The following STK10 variants were observed in gnomAD, a reference collection of about 807,000 sequenced individuals.
STK10 encodes serine/threonine kinase 10, also known as serine/threonine-protein kinase 10.
STK10 carries 78 observed loss-of-function variants against 113.8 expected under a neutral mutation model. The observed-to-expected ratio is 0.69, with a 90% CI of 0.57 to 0.83. The LOEUF (loss-of-function observed/expected upper bound fraction) is 0.83, where lower values mean the gene tolerates loss of function less well. STK10 is among the 40% of genes least tolerant of loss of function. STK10 has a pLI of 0.00. For synonymous variants in STK10, 465 were observed against 494.7 expected, an observed-to-expected ratio of 0.94 and a Z score of 0.80; for missense variants, 1,109 against 1,280.1, an observed-to-expected ratio of 0.87 and a Z score of 2.04.
chr5:172,135,244 G>T (rs1031556183), intron 2 of STK10, among the ~76,000 whole-genome samples: 3 of 152,222 alleles, frequency 2.0e-5, no homozygotes, highest in Non-Finnish European at 4.4e-5. Context: ...TGGGCACGGT[G>T]GCTCACGTCT....
intron 5 of STK10, chr5:172,107,057 A>G: frequency 4.1e-6 from 1 of 241,624 alleles, no homozygotes. Flanking sequence ...GGCAGCAGCA[A>G]CCCGGAACAC....
At chr5:172,116,502 GA>G (rs1581164467) in intron 4 of STK10, among the ~76,000 whole-genome samples, 1 of 152,210 alleles carries the variant, frequency 6.6e-6, no homozygotes, top group East Asian at 1.9e-4. Context: ...CACGTGAGGG[GA>G]TGACACATGT....
chr5:172,110,339 A>G (rs1197815795), intron 4 of STK10, among the ~76,000 whole-genome samples: 1 of 152,180 alleles, frequency 6.6e-6, no homozygotes, highest in Non-Finnish European at 1.5e-5. Flanking sequence ...CACTAACTGC[A>G]CATCTATTAT....
At chr5:172,103,401 T>C (rs999515264) in intron 7 of STK10, among the ~76,000 whole-genome samples, 3 of 152,208 alleles carry the variant, frequency 2.0e-5, no homozygotes, top group Non-Finnish European at 4.4e-5. Context: ...GGACATTTTT[T>C]CCAAGTATGG....
intron 7 of STK10, among the ~76,000 whole-genome samples, chr5:172,098,075 T>A (rs576924354): frequency 2.1e-4 from 32 of 152,218 alleles, no homozygotes; most frequent in Middle Eastern, 3.4e-3. Context: ...TCTGATGAAA[T>A]TCACTGTTTT....
At chr5:172,147,146 A>C (rs75545735) in intron 2 of STK10, among the ~76,000 whole-genome samples, 1,685 of 152,296 alleles carry the variant, frequency 0.011, 18 homozygotes, top group African/African-American at 0.033. Context: ...CAAAAGATAC[A>C]GATGAAGGGA....
rs1312110845 is a variant in STK10 at position 172,054,552 on chromosome 5, G to A, written c.2652+17C>T. On this transcript the variant is annotated intron_variant, in intron 17 of 18. Transcript: ENST00000176763. Reference sequence around the variant, plus strand: ...GAGGCAGCCTGGGGGCAGGGGCAGGGGCAGGCAGGGCGGTACCTGCAGCTG... The same window carrying A: ...GAGGCAGCCTGGGGGCAGGGGCAGGAGCAGGCAGGGCGGTACCTGCAGCTG... 5 of 1,601,512 alleles carry A rather than the reference G, an allele frequency of 3.1e-6. No homozygotes were observed. The highest frequency in any genetic ancestry group is 4.2e-6 in the Non-Finnish European group (5 of 1,178,788).
intron 3 of STK10, among the ~76,000 whole-genome samples, chr5:172,122,847 T>A (rs1229649700): frequency 6.6e-6 from 1 of 152,058 alleles, no homozygotes; most frequent in Non-Finnish European, 1.5e-5. Context: ...ATGGTCTCGA[T>A]CTCCTGACCT....
At chr5:172,129,752 A>G (rs965302681) in intron 2 of STK10, among the ~76,000 whole-genome samples, 2 of 152,218 alleles carry the variant, frequency 1.3e-5, no homozygotes, top group Non-Finnish European at 2.9e-5. Context: ...TGCTAGAAAA[A>G]AAACAAGCCA....
intron 15 of STK10, chr5:172,057,016 A>AGAAAGAAAGAAG (rs1767815978): frequency 6.6e-6 from 1 of 150,572 alleles, no homozygotes; most frequent in Non-Finnish European, 1.4e-5. Context: ...AAAGAAAGAA[A>AGAAAGAAAGAAG]GAAAGAAAGA....
chr5:172,182,238 G>A lies in STK10; in HGVS notation c.156+5649C>T, dbSNP rs1023555422. ...GAATTGCTTGAACCTGGAAAGCGGA[G>A]GTTGCGGTGAGCTGAGATCGCACCA... On this transcript the variant is annotated intron_variant, in intron 1 of 18. Transcript: ENST00000176763. 4.0e-5 allele frequency among the ~76,000 whole-genome samples: 6 copies of A among 149,544 alleles called. No homozygotes were observed. In the East Asian group the frequency reaches 1.2e-3, roughly 30 times the overall value.
rs73315910 is a variant in STK10 at position 172,187,048 on chromosome 5, G to C, written c.156+839C>G. Among the ~76,000 whole-genome samples the C allele has an allele frequency of 0.02, 2,982 of 152,166 alleles. 89 individuals are homozygous for C. The highest frequency in any genetic ancestry group is 0.063 in the African/African-American group (2,608 of 41,490). On this transcript the variant is annotated intron_variant, in intron 1 of 18. Transcript: ENST00000176763. The surrounding 1 kb of genome is among the most constrained non-coding windows in gnomAD (Gnocchi z 4.6). ...CAGTAAAAATTTTCTTAGGGGAAAG[G>C]GGGGAGTCAAGCTGTAGGTGTTGGC...
Position 172,081,350 on chromosome 5 carries a change from C to G in STK10, c.1989+976G>C, listed in dbSNP as rs1418869489. Among the ~76,000 whole-genome samples the G allele has an allele frequency of 5.1e-5, 6 of 117,370 alleles. No individual in the cohort carries two copies. In the Admixed American group the frequency reaches 5.3e-4, roughly 10 times the overall value. The allele number at this position is 117,370 out of a possible 152,430, so 77.0% of individuals were successfully genotyped here. On this transcript the variant is annotated intron_variant, in intron 12 of 18. Coordinates refer to ENST00000176763, the MANE Select transcript of STK10 (RefSeq NM_005990.4). ...TGGGTGACAGACTGAGACTCCATCT[C>G]CAAAAAAAAAAAAAAAAAAAAAATC...
At chr5:172,105,766 T>C (rs376306661) in intron 6 of STK10, 29 bp from the exon 7 acceptor site, 40 of 1,607,092 alleles carry the variant, frequency 2.5e-5, no homozygotes, top group Non-Finnish European at 3.2e-5. Context: ...GAGGTAAGCA[T>C]GGAGGAGGCA....
Position 172,057,551 on chromosome 5 carries a change from C to T in STK10, c.2213-78G>A. On this transcript the variant is annotated intron_variant, in intron 14 of 18. Coordinates refer to ENST00000176763, the MANE Select transcript of STK10 (RefSeq NM_005990.4). ...CAGGCCCCCTGCCCCCCACCTCTGC[C>T]TGGCCTCCTCATGCTGGAGATGATA... 2.7e-6 allele frequency: 4 copies of T among 1,505,694 alleles called. No homozygotes were observed. In the South Asian group the frequency reaches 5.1e-5, roughly 19 times the overall value. 93.3% of individuals were successfully genotyped at this position (1,505,694 alleles called of 1,614,324 possible). A position where few individuals can be genotyped will look rare whatever the true frequency, so the allele number is the denominator to read the frequency against.
At chr5:172,183,903 C>G (rs55836439) in intron 1 of STK10, among the ~76,000 whole-genome samples, 31,578 of 151,986 alleles carry the variant, frequency 0.21, 4,936 homozygotes, top group African/African-American at 0.44. Flanking sequence ...GAGGCAGACA[C>G]ATTAAGGCTT....
intron 12 of STK10, among the ~76,000 whole-genome samples, chr5:172,070,261 A>C (rs1200181995): frequency 2.2e-5 from 2 of 92,512 alleles, no homozygotes; most frequent in Non-Finnish European, 4.9e-5. Flanking sequence ...AAAAATATAT[A>C]TCTATATATC....
intron 2 of STK10, among the ~76,000 whole-genome samples, chr5:172,146,007 C>CTGCG (rs1459827442): frequency 3.3e-5 from 5 of 152,242 alleles, no homozygotes; most frequent in African/African-American, 9.6e-5. Context: ...CAGTAAAACA[C>CTGCG]TGCGCACACA....
chr5:172,185,705 T>A (rs1389131215), intron 1 of STK10, among the ~76,000 whole-genome samples: 1 of 152,210 alleles, frequency 6.6e-6, no homozygotes, highest in Non-Finnish European at 1.5e-5. Flanking sequence ...AGGCTCTGTC[T>A]AAGGCAGTCA....
Sources: gnomAD v4.1 joint callset for allele counts (sites outside exome capture counted in the v4.1 genomes callset) on GRCh38, gnomAD v4.1.1 for gene constraint, Gnocchi (gnomAD v3.1) non-coding constraint, MANE v1.5 for transcripts, NCBI Gene and HGNC (gene_info 2026-07-23, HGNC 2026-07-21) for gene names.